Variants in MSH3 observed in about 807,000 individuals in gnomAD.
MSH3 encodes mutS homolog 3.
MSH3 carries 106 observed loss-of-function variants against 123.3 expected under a neutral mutation model. The observed-to-expected ratio is 0.86, with a 90% CI of 0.73 to 1.01. MSH3 has a LOEUF of 1.01. MSH3 is among the 50% of genes least tolerant of loss of function. The pLI, the probability that MSH3 is intolerant of heterozygous loss-of-function variation, is 0.00. For synonymous variants in MSH3, 515 were observed against 481.4 expected, an observed-to-expected ratio of 1.07 and a Z score of -0.91; for missense variants, 1,459 against 1,347.6, an observed-to-expected ratio of 1.08 and a Z score of -1.29.
At chr5:80,865,028 T>C (rs1746076652) in intron 22 of MSH3, 86 bp downstream of exon 22, 2 of 1,305,350 alleles carry the variant, frequency 1.5e-6, no homozygotes. Flanking sequence ...TTACTGCTTA[T>C]TAATAATGAA....
At chr5:80,862,598 TA>T in intron 21 of MSH3, among the ~76,000 whole-genome samples, 1 of 151,708 alleles carries the variant, frequency 6.6e-6, no homozygotes, top group Non-Finnish European at 1.5e-5. Flanking sequence ...CTACAAAAAA[TA>T]AAAACAAAAA....
In MSH3 at chr5:80,750,606, C is replaced by T. The variant is rs558600869; in HGVS notation, c.1763+5991C>T. On this transcript the variant is annotated intron_variant, in intron 12 of 23. Coordinates refer to ENST00000265081, the MANE Select transcript of MSH3 (RefSeq NM_002439.5). ...TCTTGTTATTGAGTAGTTTGAGTTC[C>T]CTGTATATTTGGTATATTAGCCCCT... Among the ~76,000 whole-genome samples, 20 of 152,028 alleles carry T rather than the reference C, an allele frequency of 1.3e-4. No homozygotes were observed. In the South Asian group the frequency reaches 3.5e-3, roughly 27 times the overall value.
At chr5:80,818,814 G>C (rs66821541) in intron 20 of MSH3, among the ~76,000 whole-genome samples, 21,523 of 152,164 alleles carry the variant, frequency 0.14, 1,565 homozygotes, top group East Asian at 0.24. Context: ...CATTGTTTGA[G>C]CTTGATAATG....
chr5:80,846,526 AGGCAG>A, intron 20 of MSH3, among the ~76,000 whole-genome samples: 1 of 151,974 alleles, frequency 6.6e-6, no homozygotes, highest in Non-Finnish European at 1.5e-5. Flanking sequence ...GAATCTAGAG[AGGCAG>A]TAGGCCTTGC....
intron 2 of MSH3, 74 bp from the exon 3 acceptor site, chr5:80,665,069 C>A: frequency 8.9e-7 from 1 of 1,125,414 alleles, no homozygotes; most frequent in Non-Finnish European, 1.3e-6. Context: ...TTAAAAAATT[C>A]TATGCTGGTT....
chr5:80,807,024 C>T (rs1291430904), intron 19 of MSH3, among the ~76,000 whole-genome samples: 1 of 151,362 alleles, frequency 6.6e-6, no homozygotes, highest in Non-Finnish European at 1.5e-5. Context: ...GATGGGGAGA[C>T]CTCATCTCTA....
chr5:80,776,209 A>G (rs1189178410), intron 16 of MSH3, among the ~76,000 whole-genome samples: 1 of 152,100 alleles, frequency 6.6e-6, no homozygotes, highest in African/African-American at 2.4e-5. Flanking sequence ...GGAACTTTTA[A>G]CCAAGGAGAT....
intron 2 of MSH3, among the ~76,000 whole-genome samples, chr5:80,663,853 C>A (rs1749503445): frequency 6.6e-6 from 1 of 152,020 alleles, no homozygotes; most frequent in Non-Finnish European, 1.5e-5. Flanking sequence ...GGAGTGGGCC[C>A]TAGCAAGCAG....
chr5:80,690,411 G>A (rs1199679507), intron 8 of MSH3, among the ~76,000 whole-genome samples: 1 of 152,066 alleles, frequency 6.6e-6, no homozygotes, highest in African/African-American at 2.4e-5. Context: ...GGGTTCAAGC[G>A]ATTCTTCTGC....
intron 12 of MSH3, among the ~76,000 whole-genome samples, chr5:80,748,552 G>T (rs1034485983): frequency 4.0e-5 from 6 of 151,898 alleles, no homozygotes; most frequent in African/African-American, 1.5e-4. Context: ...CAGTGTAGTT[G>T]TTTTTTAAAT....
chr5:80,802,854 T>G (rs1744816519), intron 19 of MSH3, among the ~76,000 whole-genome samples: 1 of 152,176 alleles, frequency 6.6e-6, no homozygotes, highest in African/African-American at 2.4e-5. Context: ...CTTATTTCAC[T>G]TAACATAATA....
At chr5:80,721,284 A>G (rs1751072830) in intron 8 of MSH3, among the ~76,000 whole-genome samples, 1 of 152,040 alleles carries the variant, frequency 6.6e-6, no homozygotes, top group Non-Finnish European at 1.5e-5. Context: ...TTTTCTCCCC[A>G]TTTTAGATTC....
intron 8 of MSH3, among the ~76,000 whole-genome samples, chr5:80,721,046 A>C (rs1439357971): frequency 2.0e-5 from 3 of 152,168 alleles, no homozygotes. Context: ...ATCTGGCCCT[A>C]GGCAATTATT....
chr5:80,815,202 A>G (rs1478659778), intron 20 of MSH3, among the ~76,000 whole-genome samples: 3 of 152,204 alleles, frequency 2.0e-5, no homozygotes, highest in African/African-American at 7.2e-5. Flanking sequence ...ATGTCACCAA[A>G]TAGGTGTTAT....
intron 22 of MSH3, among the ~76,000 whole-genome samples, chr5:80,871,851 A>G (rs1746219843): frequency 6.6e-6 from 1 of 152,096 alleles, no homozygotes; most frequent in Non-Finnish European, 1.5e-5. Context: ...CAGCAGGCAG[A>G]GGTCTTTGGT....
chr5:80,742,166 C>T (rs576871189), intron 11 of MSH3, among the ~76,000 whole-genome samples: 41 of 152,076 alleles, frequency 2.7e-4, no homozygotes, highest in Non-Finnish European at 3.7e-4. Flanking sequence ...CCTGCCACCA[C>T]GCCTGGCTAA....
At chr5:80,702,567 A>G (rs1750634762) in intron 8 of MSH3, among the ~76,000 whole-genome samples, 1 of 152,198 alleles carries the variant, frequency 6.6e-6, no homozygotes, top group South Asian at 2.1e-4. Context: ...TAGCTACTGT[A>G]TAAGGCAATG....
intron 20 of MSH3, among the ~76,000 whole-genome samples, chr5:80,848,467 C>A (rs1745763421): frequency 6.6e-6 from 1 of 152,234 alleles, no homozygotes; most frequent in Non-Finnish European, 1.5e-5. Context: ...TCCATTTTCA[C>A]ACTGCTGATA....
rs751748318 is a variant in MSH3, at chr5:80,654,897, CCGCAGCGG to C, written c.172_179del (p.Ala58ArgfsTer24). On this transcript the variant is annotated frameshift_variant, in exon 1 of 24. Transcript: ENST00000265081. LOFTEE classifies it high-confidence loss of function. ...CCTGGCGCTGCAGCGGCTGCAGCGG[CCGCAGCGG>C]CCGCAGCGCCCCCAGCGCCCCCAGC... 4.1e-5 allele frequency: 34 copies of C among 819,772 alleles called. No individual in the cohort carries two copies. Among genetic ancestry groups the C allele is most frequent in the Middle Eastern group, 5.5e-4 (1 of 1,814 alleles). The allele number at this position is 819,772 out of a possible 1,614,324, so 50.8% of individuals were successfully genotyped here. A position where few individuals can be genotyped will look rare whatever the true frequency, so the allele number is the denominator to read the frequency against.
Sources: gnomAD v4.1 joint callset for allele counts (sites outside exome capture counted in the v4.1 genomes callset) on GRCh38, gnomAD v4.1.1 for gene constraint, MANE v1.5 for transcripts, NCBI Gene and HGNC (gene_info 2026-07-23, HGNC 2026-07-21) for gene names.